SEZ6L: variants seen among roughly 807,000 people sequenced by gnomAD.
SEZ6L encodes the protein seizure related 6 homolog like.
A neutral mutation model predicts 106.2 loss-of-function variants in SEZ6L; 37 were observed. The observed-to-expected ratio is 0.35, with a 90% CI of 0.27 to 0.46. SEZ6L has a LOEUF of 0.46. Ranked by LOEUF, SEZ6L falls within the 20% of genes least tolerant of loss-of-function variation. The pLI, the probability that SEZ6L is intolerant of heterozygous loss-of-function variation, is 1.00. For synonymous variants in SEZ6L, 541 were observed against 570.4 expected (o/e 0.95, Z 0.73); for missense variants, 1,172 against 1,332.8 (o/e 0.88, Z 1.88).
At chr22:26,192,965 G>A (rs966727821) in intron 1 of SEZ6L, among the ~76,000 whole-genome samples, 6 of 152,300 alleles carry the variant, frequency 3.9e-5, no homozygotes, top group East Asian at 1.9e-4. Context: ...GGGCAGATGC[G>A]GGGTGAAGAT....
chr22:26,304,616 A>G (rs1398929388), intron 5 of SEZ6L, among the ~76,000 whole-genome samples: 1 of 152,156 alleles, frequency 6.6e-6, no homozygotes, highest in African/African-American at 2.4e-5. Flanking sequence ...TTTATGATAA[A>G]AGTAATAGAT....
chr22:26,338,966 A>G lies in SEZ6L; in HGVS notation c.2016-1470A>G, dbSNP rs1399339820. On this transcript the variant is annotated intron_variant, in intron 9 of 16. Transcript: ENST00000248933. ...CAATCCTCCCACCTCAGCCTCCAAA[A>G]GTGCTGGGATTACAGGTGTAAGCCA... Among the ~76,000 whole-genome samples, 3 of 143,622 alleles carry G rather than the reference A, an allele frequency of 2.1e-5. No homozygotes were observed. In the East Asian group the frequency reaches 6.3e-4, roughly 30 times the overall value. 94.2% of individuals were successfully genotyped at this position (143,622 alleles called of 152,430 possible).
intron 9 of SEZ6L, among the ~76,000 whole-genome samples, chr22:26,336,059 T>C (rs1173293522): frequency 6.6e-6 from 1 of 152,200 alleles, no homozygotes; most frequent in Non-Finnish European, 1.5e-5. Flanking sequence ...CAGACTGGAA[T>C]AGCTGCATCG....
At chr22:26,322,032 T>C (rs556748500) in intron 9 of SEZ6L, among the ~76,000 whole-genome samples, 2 of 152,318 alleles carry the variant, frequency 1.3e-5, no homozygotes, top group East Asian at 3.9e-4. Flanking sequence ...CAATAATAAA[T>C]GTGAACATTA....
intron 1 of SEZ6L, among the ~76,000 whole-genome samples, chr22:26,184,182 T>C (rs1197895242): frequency 6.6e-6 from 1 of 152,208 alleles, no homozygotes; most frequent in Admixed American, 6.5e-5. Flanking sequence ...GCAGCCCATA[T>C]TGGCCTATCA....
chr22:26,305,878 A>C, intron 5 of SEZ6L, 101 bp from the exon 6 acceptor site: 43 of 1,189,224 alleles, frequency 3.6e-5, no homozygotes, highest in African/African-American at 7.7e-5. Flanking sequence ...AGAATGAAAC[A>C]CTCACTTCCT....
chr22:26,177,971 T>C (rs1406446597), intron 1 of SEZ6L, among the ~76,000 whole-genome samples: 1 of 152,182 alleles, frequency 6.6e-6, no homozygotes, highest in Non-Finnish European at 1.5e-5. Context: ...CCCTCACTCA[T>C]GTCTTCTGAC....
intron 16 of SEZ6L, among the ~76,000 whole-genome samples, chr22:26,380,048 C>G (rs1029312915): frequency 2.0e-5 from 3 of 152,188 alleles, no homozygotes; most frequent in Non-Finnish European, 4.4e-5. Context: ...GACAGATAGA[C>G]AGGATGTGAG....
At chr22:26,364,076 A>G (rs571951293) in intron 12 of SEZ6L, among the ~76,000 whole-genome samples, 1 of 152,356 alleles carries the variant, frequency 6.6e-6, no homozygotes, top group East Asian at 1.9e-4. Flanking sequence ...AAGTTGCCCA[A>G]CAATGTAAAA....
intron 12 of SEZ6L, among the ~76,000 whole-genome samples, chr22:26,363,985 A>G (rs776109589): frequency 2.6e-5 from 4 of 152,206 alleles, no homozygotes; most frequent in Non-Finnish European, 4.4e-5. Context: ...AGAAAGTAGA[A>G]TGGTGGATCC....
At chr22:26,245,589 G>A (rs1039078838) in intron 1 of SEZ6L, among the ~76,000 whole-genome samples, 6 of 152,154 alleles carry the variant, frequency 3.9e-5, no homozygotes, top group Admixed American at 6.5e-5. Flanking sequence ...GCCAAGCTTC[G>A]TACACAATGC....
chr22:26,221,018 G>A (rs1296382129), intron 1 of SEZ6L, among the ~76,000 whole-genome samples: 1 of 152,008 alleles, frequency 6.6e-6, no homozygotes, highest in Non-Finnish European at 1.5e-5. Flanking sequence ...ATGGATAAAA[G>A]AAGAAAGAAA....
At chr22:26,237,291 G>A (rs1022311398) in intron 1 of SEZ6L, among the ~76,000 whole-genome samples, 2 of 152,252 alleles carry the variant, frequency 1.3e-5, no homozygotes. Context: ...TCAATTACAC[G>A]CCTGTTTCCC....
chr22:26,281,849 A>G (rs935339311), intron 1 of SEZ6L, among the ~76,000 whole-genome samples: 5 of 152,102 alleles, frequency 3.3e-5, no homozygotes, highest in African/African-American at 1.2e-4. Flanking sequence ...CTGTGAGTTC[A>G]ACCTTTTGGA....
intron 1 of SEZ6L, among the ~76,000 whole-genome samples, chr22:26,266,586 TAAATAAATAAA>T (rs1292180025): frequency 7.8e-5 from 4 of 51,516 alleles, no homozygotes; most frequent in African/African-American, 5.1e-4. Flanking sequence ...AATAAATAAA[TAAATAAATAAA>T]TAAATAAATA....
At chr22:26,349,537 CTA>C (rs532204945) in intron 11 of SEZ6L, among the ~76,000 whole-genome samples, 46 of 152,300 alleles carry the variant, frequency 3.0e-4, no homozygotes, top group Middle Eastern at 6.8e-3. Flanking sequence ...ACATAGACAT[CTA>C]TATATGTGTC....
Position 26,348,559 on chromosome 22 carries a change from AAGGGAG to A in SEZ6L, c.2407+647_2407+652del, listed in dbSNP as rs1261799815. 3.0e-3 allele frequency among the ~76,000 whole-genome samples: 213 copies of A among 70,104 alleles called. 3 individuals carry two copies. The highest frequency in any genetic ancestry group is 7.4e-3 in the Middle Eastern group (1 of 136). The allele number at this position is 70,104 out of a possible 152,430, so 46.0% of individuals were successfully genotyped here. ...GAAGGAAGGAAGGAAGGAAGGAAGGAAGGGAGGAAAGAAAGAAAGAAAGAAAGAGAA... is the reference window on the plus strand; with the variant it reads ...GAAGGAAGGAAGGAAGGAAGGAAGGAGAAAGAAAGAAAGAAAGAAAGAGAA... On this transcript the variant is annotated intron_variant, in intron 11 of 16. Coordinates refer to ENST00000248933, the MANE Select transcript of SEZ6L (RefSeq NM_021115.5).
chr22:26,362,284 C>A (rs1050634100), intron 12 of SEZ6L, among the ~76,000 whole-genome samples: 8 of 152,218 alleles, frequency 5.3e-5, no homozygotes, highest in Admixed American at 5.2e-4. Flanking sequence ...TGCCAGGGGG[C>A]AAACTTCAAG....
intron 1 of SEZ6L, among the ~76,000 whole-genome samples, chr22:26,203,753 G>A (rs946390635): frequency 6.6e-6 from 1 of 152,126 alleles, no homozygotes; most frequent in Non-Finnish European, 1.5e-5. Context: ...CAGTTAACCA[G>A]GTTTGGAACC....
Sources: gnomAD v4.1 joint callset for allele counts (sites outside exome capture counted in the v4.1 genomes callset) on GRCh38, gnomAD v4.1.1 for gene constraint, MANE v1.5 for transcripts, NCBI Gene and HGNC (gene_info 2026-07-23, HGNC 2026-07-21) for gene names.